The following OPCML variants were observed in gnomAD, a reference collection of about 807,000 sequenced individuals.
OPCML encodes opioid binding protein/cell adhesion molecule like, also known as opioid-binding protein/cell adhesion molecule.
Under a neutral mutation model 37.8 loss-of-function variants are expected in OPCML, and 13 were observed. The observed-to-expected ratio is 0.34, with a 90% CI of 0.22 to 0.55. The LOEUF (loss-of-function observed/expected upper bound fraction) is 0.55. Ranked by LOEUF, OPCML falls within the 20% of genes least tolerant of loss-of-function variation. OPCML has a pLI of 0.91. For synonymous variants in OPCML, 176 were observed against 168.8 expected, an observed-to-expected ratio of 1.04 and a Z score of -0.33; for missense variants, 341 against 435.6, an observed-to-expected ratio of 0.78 and a Z score of 1.93.
At chr11:132,655,044 G>C (rs931075067) in intron 3 of OPCML, among the ~76,000 whole-genome samples, 4 of 152,214 alleles carry the variant, frequency 2.6e-5, no homozygotes, top group African/African-American at 4.8e-5. Flanking sequence ...GGATCGCTCA[G>C]CATGTGTTAT....
intron 1 of OPCML, among the ~76,000 whole-genome samples, chr11:133,425,579 C>A (rs1288330404): frequency 1.3e-5 from 2 of 152,184 alleles, no homozygotes; most frequent in African/African-American, 4.8e-5. Context: ...ATAGCTCCAA[C>A]AACTTCTATC....
intron 1 of OPCML, among the ~76,000 whole-genome samples, chr11:133,316,017 C>A (rs1565567574): frequency 6.6e-6 from 1 of 152,058 alleles, no homozygotes; most frequent in Non-Finnish European, 1.5e-5. Context: ...GACAAATGAG[C>A]AAAGTCATCT....
At chr11:133,013,415 C>T (rs998925643) in intron 1 of OPCML, among the ~76,000 whole-genome samples, 1 of 152,166 alleles carries the variant, frequency 6.6e-6, no homozygotes, top group Non-Finnish European at 1.5e-5. Flanking sequence ...AACTCAGTAC[C>T]GCATATCATA....
chr11:133,353,536 G>C (rs1364642681), intron 1 of OPCML, among the ~76,000 whole-genome samples: 1 of 152,122 alleles, frequency 6.6e-6, no homozygotes, highest in African/African-American at 2.4e-5. Context: ...TTAAGTGCTT[G>C]GTCTCCATGT....
rs938579223 is a variant in OPCML, at chr11:133,115,850, T to G, written c.62-172840A>C. Among the ~76,000 whole-genome samples the G allele has an allele frequency of 6.0e-5, 9 of 149,038 alleles. No individual in the cohort carries two copies. In the East Asian group the frequency reaches 6.1e-4, roughly 10 times the overall value. ...TTATCATTTGTTTTCACATGTTTACTTCCTTATATAAGTAATTGAGAATAA... is the reference window on the plus strand; with the variant it reads ...TTATCATTTGTTTTCACATGTTTACGTCCTTATATAAGTAATTGAGAATAA... On this transcript the variant is annotated intron_variant, in intron 1 of 7. Coordinates refer to ENST00000524381, the MANE Select transcript of OPCML (RefSeq NM_001012393.5).
At chr11:132,509,175 T>G (rs2096263526) in intron 4 of OPCML, among the ~76,000 whole-genome samples, 1 of 152,118 alleles carries the variant, frequency 6.6e-6, no homozygotes, top group African/African-American at 2.4e-5. Flanking sequence ...TCCTACAGAT[T>G]TGTGGAACTT....
intron 3 of OPCML, among the ~76,000 whole-genome samples, chr11:132,633,745 G>T (rs1419033620): frequency 1.3e-5 from 2 of 152,184 alleles, no homozygotes; most frequent in African/African-American, 4.8e-5. Flanking sequence ...GGGACAGCAG[G>T]AGGGAAAGTA....
In OPCML at chr11:132,943,519, T is replaced by A. The variant is rs1945657554; in HGVS notation, c.62-509A>T. ...TTTATAACCCAAAGAAGAAGGCAAGTGTCTCTGACATACAGGAGCTGTCAT... is the reference window on the plus strand; with the variant it reads ...TTTATAACCCAAAGAAGAAGGCAAGAGTCTCTGACATACAGGAGCTGTCAT... On this transcript the variant is annotated intron_variant, in intron 1 of 7. Coordinates refer to ENST00000524381, the MANE Select transcript of OPCML (RefSeq NM_001012393.5). The surrounding 1 kb of genome is among the most constrained non-coding windows in gnomAD (Gnocchi z 4.3). 4.8e-6 allele frequency: 1 copy of A among 209,968 alleles called. No individual in the cohort carries two copies. The highest frequency in any genetic ancestry group is 9.8e-6 in the Non-Finnish European group (1 of 102,106). The allele number at this position is 209,968 out of a possible 1,614,324, so 13.0% of individuals were successfully genotyped here.
At position 132,951,235 on chromosome 11, in the gene OPCML, A is replaced by G. The variant is rs1336856050; in HGVS notation, c.62-8225T>C. Among the ~76,000 whole-genome samples the G allele has an allele frequency of 3.3e-5, 5 of 152,210 alleles. No individual in the cohort carries two copies. The East Asian group carries it at 7.7e-4, about 23-fold the overall frequency. On this transcript the variant is annotated intron_variant, in intron 1 of 7. Transcript: ENST00000524381. ...TATGTCTCAGTCAGCTCAGGCTGCC[A>G]TAACAAAATACTGCAGACTAGGTGG...
At chr11:132,680,757 G>A (rs1315098877) in intron 2 of OPCML, among the ~76,000 whole-genome samples, 10 of 152,154 alleles carry the variant, frequency 6.6e-5, no homozygotes, top group Admixed American at 6.5e-4. Context: ...GTCCTCTCTG[G>A]GGGCCTATTA....
intron 2 of OPCML, among the ~76,000 whole-genome samples, chr11:132,699,467 T>C (rs1415581934): frequency 6.6e-6 from 1 of 152,126 alleles, no homozygotes; most frequent in Non-Finnish European, 1.5e-5. Context: ...CTATAGAATA[T>C]GATGTTAGCT....
At chr11:132,881,318 G>A (rs976939882) in intron 2 of OPCML, among the ~76,000 whole-genome samples, 2 of 152,214 alleles carry the variant, frequency 1.3e-5, no homozygotes, top group African/African-American at 2.4e-5. Flanking sequence ...TTATTGGAGC[G>A]CCACACCTGG....
intron 1 of OPCML, among the ~76,000 whole-genome samples, chr11:133,276,601 T>G (rs1942002019): frequency 6.6e-6 from 1 of 152,228 alleles, no homozygotes; most frequent in East Asian, 1.9e-4. Flanking sequence ...TCTGACATGC[T>G]GTACAAATAA....
chr11:132,789,562 G>A (rs1937757265), intron 2 of OPCML, among the ~76,000 whole-genome samples: 1 of 152,202 alleles, frequency 6.6e-6, no homozygotes, highest in Admixed American at 6.5e-5. Context: ...ACTACTAAGA[G>A]CTGTTTCTGG....
chr11:133,312,054 G>GA (rs2136595517), intron 1 of OPCML, among the ~76,000 whole-genome samples: 1 of 152,072 alleles, frequency 6.6e-6, no homozygotes, highest in African/African-American at 2.4e-5. Context: ...GGAAAGCCAG[G>GA]AAAAAATAGT....
At chr11:132,754,460 C>A (rs905141473) in intron 2 of OPCML, among the ~76,000 whole-genome samples, 2 of 152,168 alleles carry the variant, frequency 1.3e-5, no homozygotes, top group African/African-American at 4.8e-5. Flanking sequence ...TACTTACCTT[C>A]CACCATGATT....
rs115558289 is a variant in OPCML at position 133,197,911 on chromosome 11, A to G, written c.62-254901T>C. 8.2e-3 allele frequency among the ~76,000 whole-genome samples: 1,245 copies of G among 152,318 alleles called. 13 individuals are homozygous for G. The highest frequency in any genetic ancestry group is 0.027 in the African/African-American group (1,124 of 41,570). Reference sequence around the variant, plus strand: ...CTGGGACGTTCATAGCCTGAAAAGAAGGCACATGGCAGACACTAAAATGCC... The same window carrying G: ...CTGGGACGTTCATAGCCTGAAAAGAGGGCACATGGCAGACACTAAAATGCC... On this transcript the variant is annotated intron_variant, in intron 1 of 7. Coordinates refer to ENST00000524381, the MANE Select transcript of OPCML (RefSeq NM_001012393.5).
At chr11:132,542,695 C>T (rs567653658) in intron 3 of OPCML, among the ~76,000 whole-genome samples, 1 of 152,300 alleles carries the variant, frequency 6.6e-6, no homozygotes, top group Admixed American at 6.5e-5. Context: ...TTGTGTTTTG[C>T]TCACATGAGT....
At chr11:132,978,943 C>A (rs1946524758) in intron 1 of OPCML, among the ~76,000 whole-genome samples, 1 of 152,156 alleles carries the variant, frequency 6.6e-6, no homozygotes, top group South Asian at 2.1e-4. Context: ...CAAACCCCAA[C>A]TCCTCATGTC....
Sources: gnomAD v4.1 joint callset for allele counts (sites outside exome capture counted in the v4.1 genomes callset) on GRCh38, gnomAD v4.1.1 for gene constraint, Gnocchi (gnomAD v3.1) non-coding constraint, MANE v1.5 for transcripts, NCBI Gene and HGNC (gene_info 2026-07-23, HGNC 2026-07-21) for gene names.